SPATA13: variants seen among roughly 807,000 people sequenced by gnomAD.
SPATA13 encodes the protein spermatogenesis associated 13.
Under a neutral mutation model 104.0 loss-of-function variants are expected in SPATA13, and 50 were observed. The ratio of observed to expected loss-of-function variants is 0.48; its 90% CI spans 0.38 to 0.61. The LOEUF (loss-of-function observed/expected upper bound fraction) is 0.61. SPATA13 is among the 20% of genes least tolerant of loss of function. The probability of loss-of-function intolerance (pLI) is 0.00; values close to 1 mark genes in which losing one functional copy is unlikely to be tolerated. For synonymous variants in SPATA13, 606 were observed against 667.5 expected, an observed-to-expected ratio of 0.91 and a Z score of 1.42; for missense variants, 1,524 against 1,690.6, an observed-to-expected ratio of 0.90 and a Z score of 1.73.
intron 3 of SPATA13, among the ~76,000 whole-genome samples, chr13:24,092,991 A>C (rs1879957856): frequency 6.6e-6 from 1 of 152,208 alleles, no homozygotes; most frequent in Non-Finnish European, 1.5e-5. Context: ...AGGATCACCA[A>C]AGGCCGTGAT....
At chr13:24,225,106 G>A (rs925880844) in intron 2 of SPATA13, among the ~76,000 whole-genome samples, 5 of 152,202 alleles carry the variant, frequency 3.3e-5, no homozygotes, top group Admixed American at 1.3e-4. Flanking sequence ...AGTTTTGCTC[G>A]TGCCCACTAG....
intron 9 of SPATA13, among the ~76,000 whole-genome samples, chr13:24,294,203 G>A (rs537625462): frequency 6.6e-6 from 1 of 152,328 alleles, no homozygotes; most frequent in South Asian, 2.1e-4. Context: ...GCACCAGAAA[G>A]GAAGATCTGT....
intron 1 of SPATA13, among the ~76,000 whole-genome samples, chr13:24,181,855 C>G (rs921450091): frequency 6.6e-6 from 1 of 151,376 alleles, no homozygotes; most frequent in Admixed American, 6.6e-5. Flanking sequence ...TGGCTTACAC[C>G]TATAATCCCA....
chr13:24,040,939 T>C (rs1877901071), intron 3 of SPATA13, among the ~76,000 whole-genome samples: 1 of 152,142 alleles, frequency 6.6e-6, no homozygotes, highest in Admixed American at 6.5e-5. Flanking sequence ...GGGAAGCCCC[T>C]GGGGGAGACT....
At chr13:24,281,869 G>A (rs759780113) in intron 4 of SPATA13, among the ~76,000 whole-genome samples, 32 of 152,180 alleles carry the variant, frequency 2.1e-4, no homozygotes, top group Admixed American at 3.9e-4. Context: ...CTTTCCCTCC[G>A]TCCTGCTTCA....
At chr13:24,277,323 A>G (rs1480248208) in intron 4 of SPATA13, among the ~76,000 whole-genome samples, 1 of 151,908 alleles carries the variant, frequency 6.6e-6, no homozygotes, top group Non-Finnish European at 1.5e-5. Context: ...GGGCGCCTGT[A>G]GTCCCAGCTA....
intron 3 of SPATA13, among the ~76,000 whole-genome samples, chr13:24,087,667 T>C (rs1331174414): frequency 2.6e-5 from 4 of 152,118 alleles, no homozygotes; most frequent in African/African-American, 9.7e-5. Context: ...TGCCATGGCA[T>C]CTTTCATCCC....
At chr13:24,193,932 T>C (rs75198785) in intron 1 of SPATA13, among the ~76,000 whole-genome samples, 2,487 of 152,222 alleles carry the variant, frequency 0.016, 75 homozygotes, top group African/African-American at 0.057. Flanking sequence ...GTGATGAGTT[T>C]AGAAGGGTGG....
At chr13:24,094,839 C>T (rs758185805) in intron 3 of SPATA13, among the ~76,000 whole-genome samples, 43 of 152,162 alleles carry the variant, frequency 2.8e-4, no homozygotes, top group Admixed American at 4.6e-4. Flanking sequence ...CCTTTTCAAG[C>T]TCATTAAGTA....
At chr13:24,101,811 T>C (rs994725869) in intron 3 of SPATA13, among the ~76,000 whole-genome samples, 13 of 152,204 alleles carry the variant, frequency 8.5e-5, no homozygotes, top group Non-Finnish European at 1.9e-4. Flanking sequence ...ATGACAAAAT[T>C]GTCTTCTTTC....
intron 1 of SPATA13, among the ~76,000 whole-genome samples, chr13:24,173,388 G>A (rs1883072545): frequency 6.6e-6 from 1 of 151,756 alleles, no homozygotes; most frequent in Non-Finnish European, 1.5e-5. Flanking sequence ...GTGTGTGTGT[G>A]TGTGTGTGTG....
At chr13:24,192,304 T>C (rs1428204078) in intron 1 of SPATA13, among the ~76,000 whole-genome samples, 1 of 152,204 alleles carries the variant, frequency 6.6e-6, no homozygotes, top group African/African-American at 2.4e-5. Context: ...CAATGACCTG[T>C]TAATTTCCAA....
intron 4 of SPATA13, among the ~76,000 whole-genome samples, chr13:24,279,373 C>T (rs1022852111): frequency 1.3e-4 from 20 of 152,250 alleles, no homozygotes; most frequent in African/African-American, 4.3e-4. Flanking sequence ...GGCTGTCTCC[C>T]CTGTGGATGA....
intron 4 of SPATA13, among the ~76,000 whole-genome samples, chr13:24,262,404 C>G (rs1874102698): frequency 6.6e-6 from 1 of 151,568 alleles, no homozygotes; most frequent in African/African-American, 2.4e-5. Context: ...TCAGATCACA[C>G]CACGTTTCTG....
chr13:23,989,215 A>G (rs1383941625), intron 2 of SPATA13, among the ~76,000 whole-genome samples: 2 of 152,150 alleles, frequency 1.3e-5, no homozygotes, highest in East Asian at 1.9e-4. Flanking sequence ...TGAGGTCAGG[A>G]TTTCGAGACT....
rs79008071 is a variant in SPATA13, at chr13:24,069,591, A to G, written c.-112+51890A>G. ...CGATAATTTGCCATCCTCTCTCCCTATGTGGATGCCCTTTATTTATTTATC... is the reference window on the plus strand; with the variant it reads ...CGATAATTTGCCATCCTCTCTCCCTGTGTGGATGCCCTTTATTTATTTATC... On this transcript the variant is annotated intron_variant, in intron 3 of 14. Transcript: ENST00000424834. Among the ~76,000 whole-genome samples the G allele has an allele frequency of 3.6e-3, 551 of 152,202 alleles. 15 individuals carry two copies. The East Asian group carries it at 0.062, about 17-fold the overall frequency.
intron 3 of SPATA13, among the ~76,000 whole-genome samples, chr13:24,063,174 G>T (rs1593307019): frequency 6.6e-6 from 1 of 152,112 alleles, no homozygotes; most frequent in Non-Finnish European, 1.5e-5. Context: ...CCCCACGTGA[G>T]GGTGAGCTCC....
intron 3 of SPATA13, among the ~76,000 whole-genome samples, chr13:24,068,801 C>T (rs1026114966): frequency 1.3e-5 from 2 of 151,956 alleles, no homozygotes; most frequent in African/African-American, 2.4e-5. Flanking sequence ...GTTTGTTGGC[C>T]GCATGTATGT....
intron 2 of SPATA13, among the ~76,000 whole-genome samples, chr13:23,984,796 A>AT (rs1875072998): frequency 6.6e-6 from 1 of 152,218 alleles, no homozygotes; most frequent in African/African-American, 2.4e-5. Context: ...AAGACTGCCT[A>AT]TTTCTGAGAG....
Sources: allele counts gnomAD v4.1 joint callset (sites outside exome capture counted in the v4.1 genomes callset), GRCh38; gene constraint gnomAD v4.1.1; transcripts MANE v1.5; gene names NCBI Gene and HGNC (gene_info 2026-07-23, HGNC 2026-07-21).